The following IL22RA1 variants were observed in gnomAD, a reference collection of about 807,000 sequenced individuals.
IL22RA1 encodes the protein interleukin 22 receptor subunit alpha 1, also known as interleukin-22 receptor subunit alpha-1.
IL22RA1 carries 25 observed loss-of-function variants against 32.8 expected under a neutral mutation model. The ratio of observed to expected loss-of-function variants is 0.76; its 90% CI spans 0.55 to 1.06. IL22RA1 has a LOEUF of 1.06. Among genes scored for constraint, IL22RA1 ranks in the 50% least tolerant of loss-of-function variants. The probability of loss-of-function intolerance (pLI) is 0.00; values close to 1 mark genes in which losing one functional copy is unlikely to be tolerated. For missense variants in IL22RA1, 709 were observed against 727.4 expected (o/e 0.97, Z 0.29); for synonymous variants, 305 against 305.0 (o/e 1.00, Z 0.00).
rs571030286 is a variant in IL22RA1 at position 24,123,363 on chromosome 1, G to A, written c.731C>T (p.Ala244Val). ...TCTGTAGCTCAGGTAGCAGAGTACTGCGACGAGGAAGCCCATGGAGAACAG... is the reference window on the plus strand; with the variant it reads ...TCTGTAGCTCAGGTAGCAGAGTACTACGACGAGGAAGCCCATGGAGAACAG... ...AFLFSMGFLV[A>V]VLCYLSYRYV... The change falls in exon 6 of 7, where the codon GCA becomes GTA. Residue 244 changes from alanine to valine, a missense_variant. Coordinates refer to ENST00000270800, the MANE Select transcript of IL22RA1 (RefSeq NM_021258.4). 4.3e-6 allele frequency: 7 copies of A among 1,614,160 alleles called. No homozygotes were observed. Among genetic ancestry groups the A allele is most frequent in the Non-Finnish European group, 5.1e-6 (6 of 1,180,026 alleles).
At chr1:24,126,133 T>C (rs568537832) in intron 5 of IL22RA1, among the ~76,000 whole-genome samples, 29 of 152,306 alleles carry the variant, frequency 1.9e-4, no homozygotes, top group African/African-American at 6.7e-4. Flanking sequence ...TCATGAATCA[T>C]ACAAACACTC....
chr1:24,137,009 C>T, intron 3 of IL22RA1, 122 bp downstream of exon 3: 1 of 882,916 alleles, frequency 1.1e-6, no homozygotes, highest in South Asian at 1.8e-5. Context: ...AGCTGCCCCT[C>T]CCCTTGCAGA....
chr1:24,121,694 TG>T lies in IL22RA1; in HGVS notation c.835del (p.Gln279ArgfsTer5). On this transcript the variant is annotated frameshift_variant, in exon 7 of 7. Coordinates refer to ENST00000270800, the MANE Select transcript of IL22RA1 (RefSeq NM_021258.4). LOFTEE classifies it low-confidence loss of function (END_TRUNC). ...AAAGACAGGGATCAGGACGTGCTCC[TG>T]GATGAAGCGCAGCGGCTGGAAAGTC... ...VLTFQPLRFI[Q>X]EHVLIPVFDL... The T allele has an allele frequency of 6.3e-7, 1 of 1,577,546 alleles. No individual in the cohort carries two copies. Among genetic ancestry groups the T allele is most frequent in the Non-Finnish European group, 8.6e-7 (1 of 1,159,260 alleles).
intron 2 of IL22RA1, among the ~76,000 whole-genome samples, chr1:24,137,516 C>CTTTT (rs11428028): frequency 2.3e-4 from 32 of 140,036 alleles, no homozygotes; most frequent in African/African-American, 2.7e-4. Context: ...TCCTTCCTTT[C>CTTTT]TTTTTTTTTT....
intron 1 of IL22RA1, among the ~76,000 whole-genome samples, chr1:24,139,377 G>C (rs1284265444): frequency 3.3e-5 from 5 of 152,212 alleles, no homozygotes; most frequent in African/African-American, 9.7e-5. Context: ...TGGCTACCAT[G>C]AATAATGCTG....
intron 3 of IL22RA1, among the ~76,000 whole-genome samples, 199 bp from the exon 4 acceptor site, chr1:24,134,585 G>T (rs1644229730): frequency 6.6e-6 from 1 of 152,142 alleles, no homozygotes; most frequent in Admixed American, 6.5e-5. Context: ...TTTCAGGCTG[G>T]CAAAGGGATG....
intron 1 of IL22RA1, among the ~76,000 whole-genome samples, chr1:24,142,361 G>A (rs1167567337): frequency 1.3e-5 from 2 of 152,208 alleles, no homozygotes; most frequent in Non-Finnish European, 2.9e-5. Context: ...AATGCACCAG[G>A]AGAGCAGAGA....
chr1:24,137,224 G>C lies in IL22RA1; in HGVS notation c.262C>G (p.Leu88Val). 1 of 1,614,158 alleles carries C rather than the reference G, an allele frequency of 6.2e-7. No individual in the cohort carries two copies. Among genetic ancestry groups the C allele is most frequent in the Non-Finnish European group, 8.5e-7 (1 of 1,180,032 alleles). ...SCNLTVETGN[L>V]TELYYARVTA... Reference sequence around the variant, plus strand: ...ACCCTGGCATAGTAGAGCTCCGTGAGGTTGCCCGTCTCCACCGTCAGGTTG... The same window carrying C: ...ACCCTGGCATAGTAGAGCTCCGTGACGTTGCCCGTCTCCACCGTCAGGTTG... The change falls in exon 3 of 7, where the codon CTC becomes GTC. Residue 88 changes from leucine to valine, a missense_variant. By Grantham distance (32) the Leu-to-Val change is conservative. Coordinates refer to ENST00000270800, the MANE Select transcript of IL22RA1 (RefSeq NM_021258.4).
chr1:24,124,186 C>G (rs1404204027), intron 5 of IL22RA1, among the ~76,000 whole-genome samples: 2 of 152,138 alleles, frequency 1.3e-5, no homozygotes, highest in East Asian at 3.9e-4. Flanking sequence ...CAGGGAAAGG[C>G]CCCTTTTGCC....
intron 4 of IL22RA1, among the ~76,000 whole-genome samples, chr1:24,129,458 C>T (rs1031260431): frequency 6.6e-6 from 1 of 152,254 alleles, no homozygotes; most frequent in Non-Finnish European, 1.5e-5. Context: ...GGCCCCATCC[C>T]AGACCCCAAA....
At position 24,120,537 on chromosome 1, in the gene IL22RA1, T is replaced by G; in HGVS notation, c.*268A>C. ...TGCATTTCCTCCTTGCACTGTCATT[T>G]CTGCCTTGCAGGGCTCAGCGAGCAC... is the stretch of plus-strand genomic sequence containing the variant. On this transcript the variant is annotated 3_prime_UTR_variant, in exon 7 of 7. Coordinates refer to ENST00000270800, the MANE Select transcript of IL22RA1 (RefSeq NM_021258.4). 1 of 409,328 alleles carries G rather than the reference T, an allele frequency of 2.4e-6. No individual in the cohort carries two copies. Among genetic ancestry groups the G allele is most frequent in the African/African-American group, 2.0e-5 (1 of 50,154 alleles). 25.4% of individuals were successfully genotyped at this position (409,328 alleles called of 1,614,324 possible).
intron 5 of IL22RA1, among the ~76,000 whole-genome samples, chr1:24,126,708 A>T (rs143567576): frequency 6.6e-6 from 1 of 152,210 alleles, no homozygotes; most frequent in Non-Finnish European, 1.5e-5. Flanking sequence ...TACCAAATCT[A>T]TCACATCCAC....
intron 3 of IL22RA1, among the ~76,000 whole-genome samples, chr1:24,135,917 T>C (rs976204482): frequency 3.9e-5 from 6 of 152,192 alleles, no homozygotes; most frequent in African/African-American, 1.4e-4. Context: ...CCAAACCATA[T>C]CAGCAACTGC....
intron 1 of IL22RA1, among the ~76,000 whole-genome samples, chr1:24,140,736 A>C (rs1027095941): frequency 6.6e-6 from 1 of 152,214 alleles, no homozygotes; most frequent in Non-Finnish European, 1.5e-5. Flanking sequence ...AGCCTGCGGG[A>C]AAATGGCGGC....
Position 24,137,189 on chromosome 1 carries a change from G to A in IL22RA1, c.297C>T (p.Val99=). Residue 99 remains valine (V), a synonymous_variant, in exon 3 of 7, where the codon GTC becomes GTT. Coordinates refer to ENST00000270800, the MANE Select transcript of IL22RA1 (RefSeq NM_021258.4). The part of the protein sequence containing the change: ...TELYYARVTA[V]SAGGRSATKM... ...TGGTGGCTGACCGGCCTCCCGCACT[G>A]ACAGCGGTGACCCTGGCATAGTAGA... 1 of 1,614,128 alleles carries A rather than the reference G, an allele frequency of 6.2e-7. No homozygotes were observed. The highest frequency in any genetic ancestry group is 8.5e-7 in the Non-Finnish European group (1 of 1,180,016).
At chr1:24,125,937 G>A (rs1046934414) in intron 5 of IL22RA1, among the ~76,000 whole-genome samples, 2 of 152,180 alleles carry the variant, frequency 1.3e-5, no homozygotes, top group Non-Finnish European at 1.5e-5. Context: ...ACCAGGAAGT[G>A]TGATTTATAT....
At chr1:24,123,721 C>G (rs573027845) in intron 5 of IL22RA1, among the ~76,000 whole-genome samples, 10 of 152,332 alleles carry the variant, frequency 6.6e-5, no homozygotes, top group Non-Finnish European at 1.5e-4. Flanking sequence ...AGTTCTTGGA[C>G]TTCTCTAGGT....
chr1:24,143,091 G>C lies in IL22RA1; in HGVS notation c.-9C>G, dbSNP rs1484884762. The C allele has an allele frequency of 6.2e-7, 1 of 1,605,670 alleles. No individual in the cohort carries two copies. The highest frequency in any genetic ancestry group is 8.5e-7 in the Non-Finnish European group (1 of 1,175,504). ...GTCAGCAGCGTCCTCATCGGGGCTGGCACAGAGCCCTCCCTTGGCCTCTAC... is the reference window on the plus strand; with the variant it reads ...GTCAGCAGCGTCCTCATCGGGGCTGCCACAGAGCCCTCCCTTGGCCTCTAC... On this transcript the variant is annotated 5_prime_UTR_variant, in exon 1 of 7. Transcript: ENST00000270800.
In IL22RA1 at chr1:24,121,217, C is replaced by T. The variant is rs151133876; in HGVS notation, c.1313G>A (p.Gly438Glu). ...AGAAAGGCCACCTAACATGCAGCTT[C>T]CAGCTGGTGGCTCTTTCTGAAGCTG... Reference protein sequence around the residue: ...KGQLQKEPPAGSCMLGGLSLQ... With the variant: ...KGQLQKEPPAESCMLGGLSLQ... The change falls in exon 7 of 7, where the codon GGA (glycine) becomes GAA (glutamate). Residue 438 changes from glycine (G) to glutamate (E), a missense_variant. Gly to Glu is a moderately conservative substitution (Grantham distance 98, BLOSUM62 -2). Transcript: ENST00000270800. 1.4e-4 allele frequency: 233 copies of T among 1,614,220 alleles called. No individual in the cohort carries two copies. The African/African-American group carries it at 2.7e-3, about 18-fold the overall frequency.
Sources: gnomAD v4.1 joint callset for allele counts (sites outside exome capture counted in the v4.1 genomes callset) on GRCh38, gnomAD v4.1.1 for gene constraint, MANE v1.5 for transcripts, NCBI Gene and HGNC (gene_info 2026-07-23, HGNC 2026-07-21) for gene names.